The following EBF2 variants were observed in gnomAD, a reference collection of about 807,000 sequenced individuals.
The protein encoded by EBF2 is EBF transcription factor 2, also known as transcription factor COE2.
In EBF2, 21 loss-of-function variants were observed where a neutral mutation model predicts 72.8. That is an observed-to-expected ratio of 0.29 (90% CI 0.20 to 0.42). EBF2 has a LOEUF of 0.42. EBF2 is among the 10% of genes least tolerant of loss of function. The pLI, the probability that EBF2 is intolerant of heterozygous loss-of-function variation, is 1.00. For missense variants in EBF2, 637 were observed against 731.2 expected (o/e 0.87, Z 1.49); for synonymous variants, 299 against 274.2 (o/e 1.09, Z -0.89).
intron 6 of EBF2, among the ~76,000 whole-genome samples, chr8:26,012,727 G>C (rs1805046026): frequency 6.6e-6 from 1 of 152,150 alleles, no homozygotes; most frequent in Non-Finnish European, 1.5e-5. Context: ...TCAAACAGGT[G>C]ATCCTAGCAA....
rs1376094078 is a variant in EBF2, at chr8:25,862,807, A to C, written c.1010-10T>G. 1.2e-5 allele frequency: 19 copies of C among 1,571,450 alleles called. No homozygotes were observed. The highest frequency in any genetic ancestry group is 1.6e-5 in the Non-Finnish European group (19 of 1,157,320). Reference sequence around the variant, plus strand: ...GTGGGTTCATTTAATGCTGAAAGAGAAAAGTCCTCTTTCTGAGTTGGTATC... The same window carrying C: ...GTGGGTTCATTTAATGCTGAAAGAGCAAAGTCCTCTTTCTGAGTTGGTATC... On this transcript the variant is annotated splice_polypyrimidine_tract_variant and intron_variant, in intron 10 of 15. Coordinates refer to ENST00000520164, the MANE Select transcript of EBF2 (RefSeq NM_022659.4).
chr8:25,985,114 C>G (rs1014075115), intron 6 of EBF2, among the ~76,000 whole-genome samples: 1 of 152,024 alleles, frequency 6.6e-6, no homozygotes, highest in South Asian at 2.1e-4. Flanking sequence ...CAGGAAGAAC[C>G]CTACCAAACT....
chr8:26,005,561 T>TATATATATATATAGAGAG (rs375386709), intron 6 of EBF2, among the ~76,000 whole-genome samples: 4 of 63,900 alleles, frequency 6.3e-5, no homozygotes, highest in African/African-American at 2.2e-4. Context: ...TATATATATA[T>TATATATATATATAGAGAG]AGAGAGAGAG....
intron 6 of EBF2, among the ~76,000 whole-genome samples, chr8:26,017,155 A>T (rs1392900917): frequency 8.6e-5 from 7 of 81,300 alleles, no homozygotes; most frequent in Non-Finnish European, 1.9e-4. Flanking sequence ...CCCCTTATTT[A>T]AAAAAAAAAA....
At chr8:25,896,027 G>C (rs928591604) in intron 7 of EBF2, among the ~76,000 whole-genome samples, 1 of 152,074 alleles carries the variant, frequency 6.6e-6, no homozygotes, top group Non-Finnish European at 1.5e-5. Flanking sequence ...GGAATGGCCA[G>C]TTGGGCCCTA....
At chr8:25,969,882 T>C (rs1804165948) in intron 6 of EBF2, among the ~76,000 whole-genome samples, 3 of 152,170 alleles carry the variant, frequency 2.0e-5, no homozygotes, top group African/African-American at 7.2e-5. Flanking sequence ...AATATCTGTT[T>C]CTTGGGGTTG....
intron 6 of EBF2, among the ~76,000 whole-genome samples, chr8:25,952,345 G>T (rs1162672586): frequency 6.6e-6 from 1 of 151,956 alleles, no homozygotes; most frequent in African/African-American, 2.4e-5. Context: ...TTTATTTTTT[G>T]TTGGCCTATT....
intron 6 of EBF2, among the ~76,000 whole-genome samples, chr8:25,959,896 G>A (rs555516774): frequency 2.7e-3 from 416 of 152,290 alleles, no homozygotes; most frequent in African/African-American, 9.5e-3. Flanking sequence ...TAAAGGACTA[G>A]GTAGTATGGT....
chr8:25,925,860 T>G (rs553161464), intron 6 of EBF2, among the ~76,000 whole-genome samples: 1 of 152,272 alleles, frequency 6.6e-6, no homozygotes, highest in South Asian at 2.1e-4. Context: ...AGAGCCCTTA[T>G]AGCCCGTGTG....
In EBF2 at chr8:25,986,561, T is replaced by C. The variant is rs146258080; in HGVS notation, c.551+46524A>G. 1.3e-3 allele frequency among the ~76,000 whole-genome samples: 195 copies of C among 152,348 alleles called. 2 individuals carry two copies. The highest frequency in any genetic ancestry group is 4.4e-3 in the African/African-American group (183 of 41,578). On this transcript the variant is annotated intron_variant, in intron 6 of 15. Transcript: ENST00000520164. ...GTGTGAAAATCTTGGTTAAACTCAGTGGGCTTGTTTACTGGTCATTTGAGA... is the reference window on the plus strand; with the variant it reads ...GTGTGAAAATCTTGGTTAAACTCAGCGGGCTTGTTTACTGGTCATTTGAGA...
chr8:25,914,423 G>A (rs1422732898), intron 6 of EBF2, among the ~76,000 whole-genome samples: 2 of 152,212 alleles, frequency 1.3e-5, no homozygotes, highest in African/African-American at 4.8e-5. Flanking sequence ...TGGAGATGAA[G>A]TGCCCTGGAT....
intron 5 of EBF2, among the ~76,000 whole-genome samples, 160 bp downstream of exon 5, chr8:26,039,868 A>T (rs538817890): frequency 1.5e-5 from 2 of 131,382 alleles, no homozygotes; most frequent in Admixed American, 7.5e-5. Context: ...ACTTGCATGA[A>T]GGGGTTTCCG....
At chr8:25,872,414 T>C (rs1202240877) in intron 10 of EBF2, among the ~76,000 whole-genome samples, 1 of 152,090 alleles carries the variant, frequency 6.6e-6, no homozygotes, top group Admixed American at 6.5e-5. Context: ...AGTCTTCCCT[T>C]GGATCCTAGG....
At chr8:25,899,983 C>A (rs113137075) in intron 7 of EBF2, among the ~76,000 whole-genome samples, 1,530 of 152,232 alleles carry the variant, frequency 0.01, 15 homozygotes, top group African/African-American at 0.026. Context: ...TTCTCACAGG[C>A]CTGGCAGATG....
chr8:25,893,466 T>G (rs893961288), intron 7 of EBF2, among the ~76,000 whole-genome samples: 4 of 151,836 alleles, frequency 2.6e-5, no homozygotes, highest in African/African-American at 4.8e-5. Context: ...TTTGTATTTT[T>G]GGGGTTTTAC....
At chr8:26,002,872 GGGCAGGCGGGCAGGCGGGCA>G (rs1804758523) in intron 6 of EBF2, among the ~76,000 whole-genome samples, 2 of 81,964 alleles carry the variant, frequency 2.4e-5, no homozygotes, top group African/African-American at 3.5e-5. Flanking sequence ...GCGGGCAGGC[GGGCAGGCGGGCAGGCGGGCA>G]GGCAGGCGGG....
intron 6 of EBF2, among the ~76,000 whole-genome samples, chr8:26,005,061 C>T (rs996849008): frequency 6.7e-6 from 1 of 149,258 alleles, no homozygotes; most frequent in Admixed American, 6.9e-5. Flanking sequence ...GAACCACTTG[C>T]CCAGAAACAC....
chr8:25,858,649 AGC>A, intron 13 of EBF2, 145 bp from the exon 14 acceptor site: 2 of 214,054 alleles, frequency 9.3e-6, no homozygotes, highest in Non-Finnish European at 8.3e-6. Flanking sequence ...GTCCATCTTT[AGC>A]TTTTTTTTTT....
chr8:25,971,826 CA>C (rs907159530), intron 6 of EBF2, among the ~76,000 whole-genome samples: 3 of 151,566 alleles, frequency 2.0e-5, no homozygotes, highest in Non-Finnish European at 4.4e-5. Context: ...GGTTGATTTG[CA>C]AAAAAACAAA....
Sources: allele counts gnomAD v4.1 joint callset (sites outside exome capture counted in the v4.1 genomes callset), GRCh38; gene constraint gnomAD v4.1.1; transcripts MANE v1.5; gene names NCBI Gene and HGNC (gene_info 2026-07-23, HGNC 2026-07-21).